The following CDH12 variants were observed in gnomAD, a reference collection of about 807,000 sequenced individuals.
CDH12 encodes the protein cadherin-12.
A neutral mutation model predicts 74.1 loss-of-function variants in CDH12; 41 were observed. That is an observed-to-expected ratio of 0.55 (90% CI 0.43 to 0.72). The LOEUF is 0.72. Among genes scored for constraint, CDH12 ranks in the 30% least tolerant of loss-of-function variants. CDH12 has a pLI of 0.00. For missense variants in CDH12, 945 were observed against 977.2 expected, an observed-to-expected ratio of 0.97 and a Z score of 0.44; for synonymous variants, 399 against 355.0, an observed-to-expected ratio of 1.12 and a Z score of -1.39.
At chr5:22,378,112 T>G (rs1741614699) in intron 3 of CDH12, among the ~76,000 whole-genome samples, 1 of 152,136 alleles carries the variant, frequency 6.6e-6, no homozygotes, top group Non-Finnish European at 1.5e-5. Context: ...TCTTTGGTCT[T>G]TGGTCCTGAA....
intron 4 of CDH12, among the ~76,000 whole-genome samples, chr5:22,211,789 CGTA>C: frequency 6.7e-6 from 1 of 150,100 alleles, no homozygotes; most frequent in Non-Finnish European, 1.5e-5. Flanking sequence ...TTTACAAACA[CGTA>C]ATCTCTTATT....
intron 4 of CDH12, among the ~76,000 whole-genome samples, chr5:22,109,634 C>T (rs1744696711): frequency 6.6e-6 from 1 of 152,140 alleles, no homozygotes; most frequent in African/African-American, 2.4e-5. Flanking sequence ...TAACAGTAAT[C>T]AAGAGGAAAA....
intron 5 of CDH12, among the ~76,000 whole-genome samples, chr5:22,049,491 C>CTT (rs1740198484): frequency 6.6e-6 from 1 of 151,682 alleles, no homozygotes; most frequent in Non-Finnish European, 1.5e-5. Context: ...TTTTCCTTGC[C>CTT]TAAGTTCAGC....
chr5:22,600,507 C>T (rs1736806510), intron 1 of CDH12, among the ~76,000 whole-genome samples: 2 of 151,982 alleles, frequency 1.3e-5, no homozygotes, highest in Non-Finnish European at 1.5e-5. Flanking sequence ...TGTAATAATG[C>T]TTTTTTCTAC....
Position 22,353,380 on chromosome 5 carries a change from C to T in CDH12, c.-333+51877G>A, listed in dbSNP as rs564874114. Among the ~76,000 whole-genome samples the T allele has an allele frequency of 1.2e-3, 176 of 152,192 alleles. 1 individual carries two copies. Among genetic ancestry groups the T allele is most frequent in the African/African-American group, 4.0e-3 (166 of 41,524 alleles). ...GCTAAGACTCACCTGCATGTTCCAA[C>T]GTTTTCCCACATTTAACAATTCTAA... On this transcript the variant is annotated intron_variant, in intron 3 of 14. Transcript: ENST00000382254.
intron 2 of CDH12, among the ~76,000 whole-genome samples, chr5:22,453,619 A>G (rs1445320038): frequency 1.3e-5 from 2 of 152,100 alleles, no homozygotes; most frequent in Non-Finnish European, 2.9e-5. Flanking sequence ...GTTAATAGGT[A>G]CAAAGTTACA....
chr5:21,807,557 A>G (rs1165696996), intron 9 of CDH12, among the ~76,000 whole-genome samples: 2 of 152,154 alleles, frequency 1.3e-5, no homozygotes, highest in Non-Finnish European at 2.9e-5. Flanking sequence ...TTTCAAAGGG[A>G]AATAAGCAAT....
At chr5:22,537,884 A>T (rs1261915110) in intron 1 of CDH12, among the ~76,000 whole-genome samples, 2 of 152,200 alleles carry the variant, frequency 1.3e-5, no homozygotes, top group Admixed American at 1.3e-4. Context: ...AAGGCTGTGA[A>T]TGATTGCTGT....
chr5:22,718,084 T>C (rs944040473), intron 1 of CDH12, among the ~76,000 whole-genome samples: 3 of 152,232 alleles, frequency 2.0e-5, no homozygotes, highest in African/African-American at 7.2e-5. Context: ...TACATGTTTA[T>C]TAAATACACA....
At chr5:22,167,132 G>A (rs1467575630) in intron 4 of CDH12, among the ~76,000 whole-genome samples, 1 of 152,158 alleles carries the variant, frequency 6.6e-6, no homozygotes, top group African/African-American at 2.4e-5. Context: ...TGAGAAAAGA[G>A]AGACCTCAAT....
chr5:22,095,110 C>A (rs1743674902), intron 4 of CDH12, among the ~76,000 whole-genome samples: 1 of 152,134 alleles, frequency 6.6e-6, no homozygotes, highest in Non-Finnish European at 1.5e-5. Flanking sequence ...GGAGATCAAT[C>A]CCCTGTCCTC....
At chr5:22,738,343 A>G (rs2127013875) in intron 1 of CDH12, among the ~76,000 whole-genome samples, 1 of 152,220 alleles carries the variant, frequency 6.6e-6, no homozygotes. Context: ...CACATGCTTT[A>G]GGAAATTTCA....
At chr5:22,353,334 A>T (rs1561337302) in intron 3 of CDH12, among the ~76,000 whole-genome samples, 1 of 152,190 alleles carries the variant, frequency 6.6e-6, no homozygotes, top group Non-Finnish European at 1.5e-5. Context: ...ATATCTGCTC[A>T]AAGACCCTAA....
intron 3 of CDH12, among the ~76,000 whole-genome samples, chr5:22,358,361 TC>T (rs1185759689): frequency 6.6e-6 from 1 of 151,742 alleles, no homozygotes; most frequent in Admixed American, 6.6e-5. Context: ...TGAGTGAAGA[TC>T]ATCCCACTGC....
intron 2 of CDH12, among the ~76,000 whole-genome samples, chr5:22,430,493 GA>G (rs1350905020): frequency 6.6e-6 from 1 of 151,928 alleles, no homozygotes; most frequent in East Asian, 1.9e-4. Context: ...AAAATACAAG[GA>G]AAAAATTTTA....
chr5:21,761,794 C>T (rs1744742718), intron 12 of CDH12, among the ~76,000 whole-genome samples: 1 of 140,180 alleles, frequency 7.1e-6, no homozygotes, highest in Admixed American at 7.2e-5. Flanking sequence ...TGATAGATAT[C>T]ACTGGGACCT....
intron 1 of CDH12, among the ~76,000 whole-genome samples, chr5:22,729,560 TG>T (rs1383463134): frequency 6.6e-6 from 1 of 151,876 alleles, no homozygotes; most frequent in Non-Finnish European, 1.5e-5. Flanking sequence ...AGAATCATCT[TG>T]GGGACTGTAC....
intron 1 of CDH12, chr5:22,580,696 T>C: frequency 2.7e-6 from 1 of 376,462 alleles, no homozygotes; most frequent in South Asian, 2.5e-5. Flanking sequence ...CATTTTAACA[T>C]TCCCTGTGTT....
intron 8 of CDH12, among the ~76,000 whole-genome samples, chr5:21,820,420 A>C (rs1748302987): frequency 6.6e-6 from 1 of 152,020 alleles, no homozygotes. Context: ...GCATTCCACT[A>C]ACATGCACCC....
Sources: allele counts gnomAD v4.1 joint callset (sites outside exome capture counted in the v4.1 genomes callset), GRCh38; gene constraint gnomAD v4.1.1; transcripts MANE v1.5; gene names NCBI Gene and HGNC (gene_info 2026-07-23, HGNC 2026-07-21).